The following SCARA5 variants were observed in gnomAD, a reference collection of about 807,000 sequenced individuals.
SCARA5 encodes the protein scavenger receptor class A member 5, also known as scavenger receptor class A, member 5 (putative).
A neutral mutation model predicts 46.3 loss-of-function variants in SCARA5; 45 were observed. That is an observed-to-expected ratio of 0.97 (90% confidence interval 0.76 to 1.24). The LOEUF (loss-of-function observed/expected upper bound fraction) is 1.24. Ranked by LOEUF, SCARA5 falls within the 50% of genes most tolerant of loss-of-function variation. SCARA5 has a pLI of 0.00. For synonymous variants in SCARA5, 333 were observed against 306.5 expected (o/e 1.09, Z -0.90); for missense variants, 680 against 689.0 (o/e 0.99, Z 0.15).
At position 27,932,805 on chromosome 8, in the gene SCARA5, A is replaced by G. The variant is rs1807797259; in HGVS notation, c.242-10560T>C. Among the ~76,000 whole-genome samples the G allele has an allele frequency of 2.6e-5, 4 of 152,084 alleles. No individual in the cohort carries two copies. The South Asian group carries it at 8.3e-4, about 32-fold the overall frequency. ...CACCATAGCCGGCTAATTTTTTTGT[A>G]TTTTTAGTAGAGACAGGGTTTCATC... On this transcript the variant is annotated intron_variant, in intron 3 of 8. Transcript: ENST00000354914.
intron 2 of SCARA5, among the ~76,000 whole-genome samples, chr8:27,984,551 T>TTCATTCATCCATCCAC: frequency 6.6e-6 from 1 of 152,112 alleles, no homozygotes; most frequent in African/African-American, 2.4e-5. Flanking sequence ...CATCCATCCA[T>TTCATTCATCCATCCAC]CCATTCATTC....
At chr8:27,872,735 C>A (rs567475349) in intron 8 of SCARA5, among the ~76,000 whole-genome samples, 2 of 152,358 alleles carry the variant, frequency 1.3e-5, no homozygotes, top group East Asian at 3.9e-4. Flanking sequence ...CAGGAAAAGG[C>A]TGCAAGCCCC....
chr8:27,957,093 T>C (rs1289145236), intron 3 of SCARA5, among the ~76,000 whole-genome samples: 1 of 151,922 alleles, frequency 6.6e-6, no homozygotes, highest in Non-Finnish European at 1.5e-5. Context: ...GGCCGAGGCA[T>C]GGACAGGGAG....
chr8:27,966,781 A>AGCTCACAT (rs919965830), intron 2 of SCARA5, among the ~76,000 whole-genome samples: 4 of 152,210 alleles, frequency 2.6e-5, no homozygotes, highest in African/African-American at 9.6e-5. Context: ...ACATGTCCAC[A>AGCTCACAT]GCTCACATGC....
intron 2 of SCARA5, among the ~76,000 whole-genome samples, chr8:27,971,256 C>T (rs1585520701): frequency 6.6e-6 from 1 of 152,326 alleles, no homozygotes; most frequent in East Asian, 1.9e-4. Context: ...GCAAAGTGCT[C>T]CCTGCACAGG....
chr8:27,895,628 T>C (rs1344500635), intron 7 of SCARA5, among the ~76,000 whole-genome samples: 1 of 152,070 alleles, frequency 6.6e-6, no homozygotes, highest in Non-Finnish European at 1.5e-5. Flanking sequence ...AGAAGGGGAG[T>C]GAGTGACTCT....
At position 27,969,476 on chromosome 8, in the gene SCARA5, T is replaced by C. The variant is rs747349666; in HGVS notation, c.113-2934A>G. 2.6e-5 allele frequency among the ~76,000 whole-genome samples: 4 copies of C among 152,138 alleles called. No homozygotes were observed. In the East Asian group the frequency reaches 7.7e-4, roughly 29 times the overall value. On this transcript the variant is annotated intron_variant, in intron 2 of 8. Coordinates refer to ENST00000354914, the MANE Select transcript of SCARA5 (RefSeq NM_173833.6). ...CAAAACTATGGAGGCAGTAAAAAGA[T>C]CCGTGGTTGCCAGGGATTGGGAGGG...
chr8:27,937,175 T>C (rs1488768841), intron 3 of SCARA5, among the ~76,000 whole-genome samples: 2 of 152,148 alleles, frequency 1.3e-5, no homozygotes, highest in African/African-American at 2.4e-5. Flanking sequence ...TGAAATACTG[T>C]AGTAGTATAA....
intron 3 of SCARA5, among the ~76,000 whole-genome samples, chr8:27,940,119 C>T (rs1273757718): frequency 1.3e-5 from 2 of 152,234 alleles, no homozygotes; most frequent in East Asian, 3.8e-4. Context: ...CCCCCAGGGG[C>T]TCCACATAGC....
intron 3 of SCARA5, among the ~76,000 whole-genome samples, chr8:27,959,299 G>A (rs566195973): frequency 6.6e-6 from 1 of 152,290 alleles, no homozygotes; most frequent in Non-Finnish European, 1.5e-5. Context: ...CATGGTCACA[G>A]CCTGGCACAC....
chr8:27,935,860 C>T (rs1365724771), intron 3 of SCARA5, among the ~76,000 whole-genome samples: 1 of 152,104 alleles, frequency 6.6e-6, no homozygotes, highest in African/African-American at 2.4e-5. Flanking sequence ...GAAGTGAAGA[C>T]CGAGGAAGGG....
chr8:27,983,431 A>G (rs1033969647), intron 2 of SCARA5, among the ~76,000 whole-genome samples: 1 of 152,110 alleles, frequency 6.6e-6, no homozygotes, highest in African/African-American at 2.4e-5. Context: ...CTATTTCCCA[A>G]TTGGTTCCAA....
At chr8:27,891,683 G>A (rs947328948) in intron 7 of SCARA5, among the ~76,000 whole-genome samples, 6 of 152,204 alleles carry the variant, frequency 3.9e-5, no homozygotes, top group African/African-American at 1.4e-4. Flanking sequence ...ATAAGCACCA[G>A]TTATCAAACC....
intron 2 of SCARA5, among the ~76,000 whole-genome samples, chr8:27,971,315 G>A (rs149436435): frequency 7.9e-5 from 12 of 152,330 alleles, no homozygotes; most frequent in Admixed American, 3.9e-4. Flanking sequence ...GCATGGAGGA[G>A]GCCACAATTC....
Position 27,933,985 on chromosome 8 carries a change from C to A in SCARA5, c.242-11740G>T, listed in dbSNP as rs111615121. The stretch of plus-strand genomic sequence containing the variant: ...GAAAATGAAAAAGGAAGCTAGTATG[C>A]TCTGTTGTGGGATGGTGGAAGAATT... On this transcript the variant is annotated intron_variant, in intron 3 of 8. Transcript: ENST00000354914. Among the ~76,000 whole-genome samples the A allele has an allele frequency of 8.0e-3, 1,218 of 152,246 alleles. 21 individuals are homozygous for A. The highest frequency in any genetic ancestry group is 0.028 in the African/African-American group (1,164 of 41,552).
chr8:27,908,824 C>A lies in SCARA5; in HGVS notation c.997+839G>T, dbSNP rs114223654. Among the ~76,000 whole-genome samples the A allele has an allele frequency of 2.8e-3, 431 of 152,226 alleles. 1 individual carries two copies. Among genetic ancestry groups the A allele is most frequent in the African/African-American group, 9.8e-3 (407 of 41,548 alleles). On this transcript the variant is annotated intron_variant, in intron 5 of 8. Transcript: ENST00000354914. ...GGGAGGTTCCCTGAGAGGGGAGGGC[C>A]AGGAGTAGAGACTGGGCTGGGAGCT...
chr8:27,872,185 G>A (rs977682874), intron 8 of SCARA5, 115 bp from the exon 9 acceptor site: 3 of 1,089,158 alleles, frequency 2.8e-6, no homozygotes, highest in African/African-American at 1.5e-5. Context: ...CAAACCTAGG[G>A]GCTTCCAGCT....
intron 3 of SCARA5, among the ~76,000 whole-genome samples, chr8:27,953,116 C>T (rs544501918): frequency 1.8e-4 from 28 of 152,316 alleles, no homozygotes; most frequent in African/African-American, 5.1e-4. Context: ...GGCCGACAAC[C>T]GGGGCCAAAG....
At chr8:27,903,324 C>G (rs925610733) in intron 7 of SCARA5, 1 of 152,210 alleles carries the variant, frequency 6.6e-6, no homozygotes, top group Non-Finnish European at 1.5e-5. Flanking sequence ...GTTGAAGTGT[C>G]TGATGTGTAC....
Sources: gnomAD v4.1 joint callset for allele counts (sites outside exome capture counted in the v4.1 genomes callset) on GRCh38, gnomAD v4.1.1 for gene constraint, MANE v1.5 for transcripts, NCBI Gene and HGNC (gene_info 2026-07-23, HGNC 2026-07-21) for gene names.